The following GPCPD1 variants were observed in gnomAD, a reference collection of about 807,000 sequenced individuals.
The protein encoded by GPCPD1 is glycerophosphocholine phosphodiesterase 1.
Under a neutral mutation model 89.2 loss-of-function variants are expected in GPCPD1, and 29 were observed. That is an observed-to-expected ratio of 0.33 (90% confidence interval 0.24 to 0.44). The LOEUF (loss-of-function observed/expected upper bound fraction) is 0.44, where lower values mean the gene tolerates loss of function less well. GPCPD1 is among the 20% of genes least tolerant of loss of function. GPCPD1 has a pLI of 1.00. For missense variants in GPCPD1, 594 were observed against 808.9 expected, an observed-to-expected ratio of 0.73 and a Z score of 3.22; for synonymous variants, 258 against 266.3, an observed-to-expected ratio of 0.97 and a Z score of 0.30.
chr20:5,603,170 G>A (rs1372516455), intron 2 of GPCPD1, among the ~76,000 whole-genome samples: 1 of 151,928 alleles, frequency 6.6e-6, no homozygotes, highest in Admixed American at 6.6e-5. Flanking sequence ...ATGGACACCT[G>A]TAATCCCAGC....
At position 5,576,020 on chromosome 20, in the gene GPCPD1, C is replaced by T. The variant is rs1385357133; in HGVS notation, c.706-42G>A. The T allele has an allele frequency of 4.7e-6, 5 of 1,069,682 alleles. No homozygotes were observed. In the Admixed American group the frequency reaches 9.5e-5, roughly 20 times the overall value. The allele number at this position is 1,069,682 out of a possible 1,614,324, so 66.3% of individuals were successfully genotyped here. A position where few individuals can be genotyped will look rare whatever the true frequency, so the allele number is the denominator to read the frequency against. ...TAAAATAATCTTAATTTTTAAACTT[C>T]TACATTACATACATACATATACACA... On this transcript the variant is annotated intron_variant, in intron 8 of 19. Transcript: ENST00000379019.
At chr20:5,606,301 GC>G (rs554167646) in intron 1 of GPCPD1, among the ~76,000 whole-genome samples, 178 of 148,708 alleles carry the variant, frequency 1.2e-3, no homozygotes, top group African/African-American at 3.7e-3. Context: ...AAAAACCTTT[GC>G]CCCCCCCACC....
At chr20:5,602,343 G>A (rs916581308) in intron 2 of GPCPD1, among the ~76,000 whole-genome samples, 4 of 152,186 alleles carry the variant, frequency 2.6e-5, no homozygotes, top group African/African-American at 7.2e-5. Context: ...TCAACTGCCT[G>A]CCTACAACTC....
At chr20:5,589,589 G>A (rs757938270) in intron 4 of GPCPD1, among the ~76,000 whole-genome samples, 4 of 152,102 alleles carry the variant, frequency 2.6e-5, no homozygotes, top group South Asian at 2.1e-4. Context: ...CAACAAGAGC[G>A]AAACTCCATC....
At chr20:5,588,436 C>CA (rs2122731741) in intron 4 of GPCPD1, among the ~76,000 whole-genome samples, 1 of 152,154 alleles carries the variant, frequency 6.6e-6, no homozygotes, top group East Asian at 1.9e-4. Context: ...CCGTGGGAGG[C>CA]AGAGGTTGCA....
intron 19 of GPCPD1, among the ~76,000 whole-genome samples, chr20:5,550,303 C>CA (rs1985324805): frequency 9.5e-6 from 1 of 105,640 alleles, no homozygotes; most frequent in Non-Finnish European, 2.1e-5. Context: ...AAAAAAAAGA[C>CA]AAAATAGGAG....
Position 5,567,627 on chromosome 20 carries a change from C to T in GPCPD1, c.1150-67G>A, listed in dbSNP as rs1482218214. ...AAGAAAATTAAGAGAAAAGTAAGCC[C>T]TAAATTATTACTGAATGCTTACACT... On this transcript the variant is annotated intron_variant, in intron 12 of 19. Transcript: ENST00000379019. 2.9e-6 allele frequency: 4 copies of T among 1,379,338 alleles called. No homozygotes were observed. In the South Asian group the frequency reaches 4.3e-5, roughly 15 times the overall value. The allele number at this position is 1,379,338 out of a possible 1,614,324, so 85.4% of individuals were successfully genotyped here. A position where few individuals can be genotyped will look rare whatever the true frequency, so the allele number is the denominator to read the frequency against.
chr20:5,553,346 C>T (rs2043906736), intron 19 of GPCPD1, among the ~76,000 whole-genome samples: 1 of 152,162 alleles, frequency 6.6e-6, no homozygotes, highest in African/African-American at 2.4e-5. Context: ...CCAGCCTCTC[C>T]CCTCCCTAAC....
chr20:5,599,821 G>A (rs1980001205), intron 2 of GPCPD1, among the ~76,000 whole-genome samples: 1 of 152,134 alleles, frequency 6.6e-6, no homozygotes, highest in Admixed American at 6.5e-5. Flanking sequence ...CCAAAGTGCT[G>A]GGTTTACAGG....
chr20:5,605,990 T>C (rs1256364942), intron 1 of GPCPD1, among the ~76,000 whole-genome samples: 1 of 152,112 alleles, frequency 6.6e-6, no homozygotes. Context: ...AACTCCATAG[T>C]AAAAGGAATT....
chr20:5,577,812 T>C (rs539806374), intron 8 of GPCPD1, among the ~76,000 whole-genome samples: 2 of 152,274 alleles, frequency 1.3e-5, no homozygotes, highest in East Asian at 1.9e-4. Flanking sequence ...CCAAGTATTA[T>C]GTGTTGGGGA....
At chr20:5,601,361 CTTTTTTTTTTT>C (rs1209326779) in intron 2 of GPCPD1, among the ~76,000 whole-genome samples, 5 of 73,046 alleles carry the variant, frequency 6.8e-5, no homozygotes, top group Non-Finnish European at 1.2e-4. Flanking sequence ...CCCTGTTAAT[CTTTTTTTTTTT>C]TTTTTTTTTT....
Position 5,610,679 on chromosome 20 carries a change from G to A in GPCPD1, c.-29+163C>T, listed in dbSNP as rs552866916. On this transcript the variant is annotated intron_variant, in intron 1 of 19. Transcript: ENST00000379019. ...CACCGATTTAGCGCAGCGAACGCCC[G>A]GCCGCCGTTCCCCTGCGGGCAGTGG... 2.3e-3 allele frequency among the ~76,000 whole-genome samples: 347 copies of A among 151,646 alleles called. 1 individual carries two copies. Among genetic ancestry groups the A allele is most frequent in the African/African-American group, 8.0e-3 (330 of 41,492 alleles).
At chr20:5,552,569 A>G (rs1012219491) in intron 19 of GPCPD1, among the ~76,000 whole-genome samples, 9 of 152,256 alleles carry the variant, frequency 5.9e-5, no homozygotes, top group Non-Finnish European at 1.2e-4. Context: ...AAATATTTGT[A>G]ATCATTCCTT....
chr20:5,590,542 C>CAAAAA (rs71197771), intron 4 of GPCPD1, among the ~76,000 whole-genome samples: 5 of 78,986 alleles, frequency 6.3e-5, no homozygotes, highest in African/African-American at 2.0e-4. Flanking sequence ...GACTCTGTCT[C>CAAAAA]AAAAAAAAAA....
intron 3 of GPCPD1, 125 bp from the exon 4 acceptor site, chr20:5,593,536 A>C (rs1454658666): frequency 8.1e-6 from 5 of 615,238 alleles, no homozygotes; most frequent in Non-Finnish European, 1.5e-5. Flanking sequence ...TCCTACACAA[A>C]ATTTTACAGG....
chr20:5,586,728 T>C (rs932453516), intron 4 of GPCPD1, among the ~76,000 whole-genome samples: 2 of 152,134 alleles, frequency 1.3e-5, no homozygotes, highest in African/African-American at 4.8e-5. Flanking sequence ...TAGGAACAAG[T>C]ACTCAAGAAC....
intron 1 of GPCPD1, among the ~76,000 whole-genome samples, chr20:5,608,425 C>G (rs765797836): frequency 5.3e-5 from 8 of 151,980 alleles, no homozygotes; most frequent in Non-Finnish European, 1.0e-4. Flanking sequence ...GATACCATAC[C>G]AAATAAAAGC....
At chr20:5,568,984 C>T (rs60909730) in intron 12 of GPCPD1, among the ~76,000 whole-genome samples, 14,318 of 152,108 alleles carry the variant, frequency 0.094, 1,132 homozygotes, top group African/African-American at 0.21. Context: ...TCACTTCACT[C>T]TTTCTCATTT....
Sources: gnomAD v4.1 joint callset for allele counts (sites outside exome capture counted in the v4.1 genomes callset) on GRCh38, gnomAD v4.1.1 for gene constraint, MANE v1.5 for transcripts, NCBI Gene and HGNC (gene_info 2026-07-23, HGNC 2026-07-21) for gene names.